Variants in SIGLEC6 observed in about 807,000 individuals in gnomAD.
SIGLEC6 encodes the protein sialic acid binding Ig like lectin 6.
In SIGLEC6, 31 loss-of-function variants were observed where a neutral mutation model predicts 41.4. The observed-to-expected ratio is 0.75, with a 90% CI of 0.56 to 1.01. The LOEUF is 1.01. SIGLEC6 is among the 50% of genes least tolerant of loss of function. The pLI is 0.00. For missense variants in SIGLEC6, 555 were observed against 558.6 expected (o/e 0.99, Z 0.06); for synonymous variants, 217 against 231.0 (o/e 0.94, Z 0.55).
rs1470900394 is a variant in SIGLEC6, at chr19:51,518,366, G to C, written c.*1716C>G. ...TTTGTTTTGCTTTTTCTGAGTTGGA[G>C]TCTCGCTCTGTTGCCCAGGCTGGAG... On this transcript the variant is annotated 3_prime_UTR_variant, in exon 8 of 8. Transcript: ENST00000425629. Among the ~76,000 whole-genome samples the C allele has an allele frequency of 6.6e-6, 1 of 152,250 alleles. No individual in the cohort carries two copies. Among genetic ancestry groups the C allele is most frequent in the Non-Finnish European group, 1.5e-5 (1 of 68,022 alleles).
At position 51,528,235 on chromosome 19, in the gene SIGLEC6, G is replaced by A; in HGVS notation, c.1031C>T (p.Ala344Val). The A allele has an allele frequency of 1.2e-6, 2 of 1,614,014 alleles. No homozygotes were observed. Among genetic ancestry groups the A allele is most frequent in the African/African-American group, 1.3e-5 (1 of 75,008 alleles). Residue 344 changes from alanine to valine, a missense_variant, in exon 6 of 8, where the codon GCT becomes GTT. Physicochemically the swap from Ala to Val is moderately conservative, Grantham distance 64. Transcript: ENST00000425629. ...LFVHWKPEGR[A>V]GGVLGAVWGA... ...CCAGACTGCTCCCAGGACACCACCA[G>A]CCCTGCCTTCTGGTTTCCCTATAAT...
At position 51,528,241 on chromosome 19, in the gene SIGLEC6, C is replaced by T. The variant is rs1323409813; in HGVS notation, c.1025G>A (p.Gly342Asp). 2 of 1,613,962 alleles carry T rather than the reference C, an allele frequency of 1.2e-6. No individual in the cohort carries two copies. Among genetic ancestry groups the T allele is most frequent in the Admixed American group, 1.7e-5 (1 of 60,016 alleles). Reference sequence around the variant, plus strand: ...TGCTCCCAGGACACCACCAGCCCTGCCTTCTGGTTTCCCTATAATTTGAAT... The same window carrying T: ...TGCTCCCAGGACACCACCAGCCCTGTCTTCTGGTTTCCCTATAATTTGAAT... Reference protein sequence around the residue: ...LSLFVHWKPEGRAGGVLGAVW... With the variant: ...LSLFVHWKPEDRAGGVLGAVW... The change falls in exon 6 of 8, where the codon GGC becomes GAC. Residue 342 changes from glycine (G) to aspartate (D), a missense_variant. Physicochemically the swap from Gly to Asp is moderately conservative, Grantham distance 94. Coordinates refer to ENST00000425629, the MANE Select transcript of SIGLEC6 (RefSeq NM_001245.7).
At chr19:51,521,417 C>T (rs752857909) in intron 7 of SIGLEC6, among the ~76,000 whole-genome samples, 24 of 152,048 alleles carry the variant, frequency 1.6e-4, no homozygotes, top group African/African-American at 4.1e-4. Flanking sequence ...GGTGACAGTG[C>T]GTGAATGGCT....
At chr19:51,524,883 G>T (rs12463035) in intron 7 of SIGLEC6, among the ~76,000 whole-genome samples, 9,815 of 152,232 alleles carry the variant, frequency 0.064, 363 homozygotes, top group South Asian at 0.12. Context: ...GGCTCCCCAC[G>T]ATGGGGAAAC....
At chr19:51,520,804 A>C (rs1241608455) in intron 7 of SIGLEC6, among the ~76,000 whole-genome samples, 1 of 152,208 alleles carries the variant, frequency 6.6e-6, no homozygotes, top group Non-Finnish European at 1.5e-5. Flanking sequence ...TCATCTTACA[A>C]ACGGGAACAC....
chr19:51,528,873 C>T (rs573542462), intron 5 of SIGLEC6, among the ~76,000 whole-genome samples: 23 of 151,678 alleles, frequency 1.5e-4, no homozygotes, highest in South Asian at 1.3e-3. Flanking sequence ...GCCAGCTACT[C>T]GGGAGGCTGA....
At chr19:51,526,960 G>A (rs1979329262) in intron 7 of SIGLEC6, among the ~76,000 whole-genome samples, 1 of 152,166 alleles carries the variant, frequency 6.6e-6, no homozygotes, top group Admixed American at 6.5e-5. Context: ...AGAGCCCAAA[G>A]ACTGGTTCTT....
chr19:51,522,072 C>G (rs1005876817), intron 7 of SIGLEC6, among the ~76,000 whole-genome samples: 18 of 152,130 alleles, frequency 1.2e-4, no homozygotes, highest in African/African-American at 4.3e-4. Context: ...GAAAGAACTC[C>G]AAAAAATATG....
chr19:51,517,934 A>G lies in SIGLEC6; in HGVS notation c.*2148T>C, dbSNP rs1330708586. Among the ~76,000 whole-genome samples the G allele has an allele frequency of 6.6e-6, 1 of 152,156 alleles. No homozygotes were observed. The highest frequency in any genetic ancestry group is 1.5e-5 in the Non-Finnish European group (1 of 68,014). On this transcript the variant is annotated 3_prime_UTR_variant, in exon 8 of 8. Coordinates refer to ENST00000425629, the MANE Select transcript of SIGLEC6 (RefSeq NM_001245.7). ...TATTATAGTTTCTGGGCTATATAATATTGGTATTTCAATATTACATTTGAT... is the reference window on the plus strand; with the variant it reads ...TATTATAGTTTCTGGGCTATATAATGTTGGTATTTCAATATTACATTTGAT...
At chr19:51,528,300 C>G (rs1418746795) in intron 5 of SIGLEC6, 47 bp from the exon 6 acceptor site, 1 of 1,504,568 alleles carries the variant, frequency 6.6e-7, no homozygotes, top group Admixed American at 1.7e-5. Context: ...TCCAGGACAT[C>G]CTCCCAACAG....
chr19:51,524,884 A>T (rs1978940001), intron 7 of SIGLEC6, among the ~76,000 whole-genome samples: 1 of 152,168 alleles, frequency 6.6e-6, no homozygotes, highest in Non-Finnish European at 1.5e-5. Flanking sequence ...GCTCCCCACG[A>T]TGGGGAAACA....
chr19:51,524,533 C>T (rs1431179940), intron 7 of SIGLEC6, among the ~76,000 whole-genome samples: 1 of 152,118 alleles, frequency 6.6e-6, no homozygotes, highest in Non-Finnish European at 1.5e-5. Flanking sequence ...AAGGATTGAA[C>T]ACTAGTGTAA....
chr19:51,530,303 G>A, intron 4 of SIGLEC6, 134 bp downstream of exon 4: 3 of 824,828 alleles, frequency 3.6e-6, no homozygotes, highest in Non-Finnish European at 5.7e-6. Flanking sequence ...GACAAAGGCT[G>A]GGGGTGAGCA....
intron 7 of SIGLEC6, among the ~76,000 whole-genome samples, chr19:51,523,493 G>GA (rs1978646329): frequency 6.6e-6 from 1 of 152,120 alleles, no homozygotes; most frequent in Non-Finnish European, 1.5e-5. Flanking sequence ...TAAAAACAAA[G>GA]AAAACCACAC....
chr19:51,519,359 T>A lies in SIGLEC6; in HGVS notation c.*723A>T, dbSNP rs1990735167. Among the ~76,000 whole-genome samples, 3 of 139,538 alleles carry A rather than the reference T, an allele frequency of 2.1e-5. No homozygotes were observed. Among genetic ancestry groups the A allele is most frequent in the African/African-American group, 8.0e-5 (3 of 37,326 alleles). The allele number at this position is 139,538 out of a possible 152,430, so 91.5% of individuals were successfully genotyped here. A position where few individuals can be genotyped will look rare whatever the true frequency, so the allele number is the denominator to read the frequency against. The stretch of plus-strand genomic sequence containing the variant: ...TACAAGGCATTCATTTACAAAAATA[T>A]ACAGACTTTATGAAAACCTTTGTGT... On this transcript the variant is annotated 3_prime_UTR_variant, in exon 8 of 8. Coordinates refer to ENST00000425629, the MANE Select transcript of SIGLEC6 (RefSeq NM_001245.7).
intron 5 of SIGLEC6, among the ~76,000 whole-genome samples, chr19:51,529,234 C>A (rs527832849): frequency 1.6e-4 from 25 of 152,292 alleles, no homozygotes; most frequent in Non-Finnish European, 2.8e-4. Flanking sequence ...ACCTTGAGAA[C>A]CGTGAGACAA....
chr19:51,520,027 T>A lies in SIGLEC6; in HGVS notation c.*55A>T. 7.0e-7 allele frequency: 1 copy of A among 1,436,572 alleles called. No individual in the cohort carries two copies. The highest frequency in any genetic ancestry group is 9.4e-7 in the Non-Finnish European group (1 of 1,060,220). 89.0% of individuals were successfully genotyped at this position (1,436,572 alleles called of 1,614,324 possible). A position where few individuals can be genotyped will look rare whatever the true frequency, so the allele number is the denominator to read the frequency against. ...TTGCTGTGGCAGCCCTAGTAACCAA[T>A]ACACTGAGAGGTACCATGTTCTCTC... is the stretch of plus-strand genomic sequence containing the variant. On this transcript the variant is annotated 3_prime_UTR_variant, in exon 8 of 8. Coordinates refer to ENST00000425629, the MANE Select transcript of SIGLEC6 (RefSeq NM_001245.7).
chr19:51,520,539 C>A (rs756385855), intron 7 of SIGLEC6, among the ~76,000 whole-genome samples: 28 of 152,002 alleles, frequency 1.8e-4, no homozygotes, highest in Non-Finnish European at 3.2e-4. Context: ...CAGGCATGCA[C>A]CCCACCTGGC....
At chr19:51,530,311 G>A in intron 4 of SIGLEC6, 126 bp downstream of exon 4, 1 of 876,036 alleles carries the variant, frequency 1.1e-6, no homozygotes. Context: ...CTGGGGGTGA[G>A]CAAAGATTCA....
Sources: allele counts gnomAD v4.1 joint callset (sites outside exome capture counted in the v4.1 genomes callset), GRCh38; gene constraint gnomAD v4.1.1; transcripts MANE v1.5; gene names NCBI Gene and HGNC (gene_info 2026-07-23, HGNC 2026-07-21).